The following SOX6 variants were observed in gnomAD, a reference collection of about 807,000 sequenced individuals.
SOX6 encodes the protein SRY-box transcription factor 6, also known as transcription factor SOX-6.
SOX6 carries 11 observed loss-of-function variants against 97.8 expected under a neutral mutation model. The ratio of observed to expected loss-of-function variants is 0.11; its 90% CI spans 0.07 to 0.19. The LOEUF is 0.19. Among genes scored for constraint, SOX6 ranks in the 10% least tolerant of loss-of-function variants. The probability of loss-of-function intolerance (pLI) is 1.00; values close to 1 mark genes in which losing one functional copy is unlikely to be tolerated. For missense variants in SOX6, 810 were observed against 1,039.5 expected (o/e 0.78, Z 3.04); for synonymous variants, 360 against 371.4 (o/e 0.97, Z 0.35).
intron 6 of SOX6, among the ~76,000 whole-genome samples, chr11:16,183,078 G>GT (rs1851385257): frequency 6.6e-6 from 1 of 151,890 alleles, no homozygotes; most frequent in South Asian, 2.1e-4. Flanking sequence ...GTGTTTCTAA[G>GT]GATTAGTCAC....
At chr11:16,186,173 G>T (rs576011766) in intron 5 of SOX6, among the ~76,000 whole-genome samples, 3 of 152,064 alleles carry the variant, frequency 2.0e-5, no homozygotes, top group African/African-American at 4.8e-5. Context: ...TTTTAGGAAC[G>T]ATGTACTAAT....
At chr11:16,279,531 A>G (rs1031580991) in intron 3 of SOX6, among the ~76,000 whole-genome samples, 2 of 152,072 alleles carry the variant, frequency 1.3e-5, no homozygotes, top group African/African-American at 4.8e-5. Context: ...TTTGAATTTC[A>G]TCTTCACAAT....
intron 3 of SOX6, among the ~76,000 whole-genome samples, chr11:16,688,571 G>C (rs999394416): frequency 1.3e-5 from 2 of 152,048 alleles, no homozygotes; most frequent in Non-Finnish European, 2.9e-5. Flanking sequence ...CCATCCAGTG[G>C]ACTTTTTGAA....
chr11:16,413,828 C>A (rs1434113210), intron 1 of SOX6, among the ~76,000 whole-genome samples: 3 of 151,966 alleles, frequency 2.0e-5, no homozygotes, highest in Non-Finnish European at 4.4e-5. Flanking sequence ...CCGAGTTCTA[C>A]ACTTTTAAAT....
intron 6 of SOX6, among the ~76,000 whole-genome samples, chr11:16,176,483 G>A (rs1010109471): frequency 6.6e-5 from 10 of 151,788 alleles, no homozygotes; most frequent in African/African-American, 1.7e-4. Context: ...GACACATCAC[G>A]TTAAAGCCCT....
chr11:16,015,490 T>C (rs1321971829), intron 12 of SOX6, among the ~76,000 whole-genome samples: 1 of 152,028 alleles, frequency 6.6e-6, no homozygotes, highest in Non-Finnish European at 1.5e-5. Context: ...CAAATCAGAA[T>C]TTTATGCACG....
chr11:16,156,937 ACAGTC>A (rs1850618628), intron 6 of SOX6, among the ~76,000 whole-genome samples: 1 of 152,096 alleles, frequency 6.6e-6, no homozygotes, highest in East Asian at 1.9e-4. Context: ...CTATTTGTTT[ACAGTC>A]TCTATCTTCC....
intron 1 of SOX6, among the ~76,000 whole-genome samples, chr11:16,353,397 AG>A (rs1445753397): frequency 6.6e-6 from 1 of 152,118 alleles, no homozygotes; most frequent in African/African-American, 2.4e-5. Flanking sequence ...GAAAAGAAAT[AG>A]AAAAGCCTCT....
chr11:16,348,329 A>T (rs1288752788), intron 1 of SOX6, among the ~76,000 whole-genome samples: 1 of 152,168 alleles, frequency 6.6e-6, no homozygotes, highest in Non-Finnish European at 1.5e-5. Flanking sequence ...AATTGAAGAC[A>T]ATCAAATTGT....
chr11:16,563,115 GACAA>G (rs1483008775), intron 4 of SOX6, among the ~76,000 whole-genome samples: 36 of 151,990 alleles, frequency 2.4e-4, no homozygotes, highest in African/African-American at 7.2e-4. Context: ...AGAATAATCT[GACAA>G]ACATTTTAAA....
At chr11:16,583,682 G>A (rs1848062433) in intron 4 of SOX6, among the ~76,000 whole-genome samples, 1 of 137,456 alleles carries the variant, frequency 7.3e-6, no homozygotes, top group Non-Finnish European at 1.6e-5. Flanking sequence ...TAGACACTTA[G>A]GTTGATTCCA....
chr11:16,382,116 TTTTAC>T (rs1436976125), intron 1 of SOX6, among the ~76,000 whole-genome samples: 1 of 151,994 alleles, frequency 6.6e-6, no homozygotes, highest in Non-Finnish European at 1.5e-5. Context: ...AAAATGTTAT[TTTTAC>T]TTTAATTATT....
chr11:16,548,477 TG>T (rs1847645017), intron 4 of SOX6, among the ~76,000 whole-genome samples: 1 of 152,112 alleles, frequency 6.6e-6, no homozygotes, highest in Non-Finnish European at 1.5e-5. Context: ...GAAGCCACAA[TG>T]GGCCATAGAC....
intron 12 of SOX6, among the ~76,000 whole-genome samples, chr11:16,028,716 T>C (rs942763657): frequency 5.3e-5 from 8 of 152,178 alleles, no homozygotes; most frequent in African/African-American, 1.9e-4. Context: ...AAATGAGGTA[T>C]GTGCTCTCCA....
intron 1 of SOX6, among the ~76,000 whole-genome samples, chr11:16,390,955 A>T (rs1377571774): frequency 6.6e-6 from 1 of 152,230 alleles, no homozygotes; most frequent in Non-Finnish European, 1.5e-5. Flanking sequence ...ACGTCCATCA[A>T]TGATACACTG....
chr11:16,136,775 T>C (rs530488476), intron 6 of SOX6, among the ~76,000 whole-genome samples: 1 of 152,282 alleles, frequency 6.6e-6, no homozygotes, highest in African/African-American at 2.4e-5. Context: ...AAAAAATTCA[T>C]GCAACTCATT....
chr11:16,411,243 G>A (rs569751730), intron 1 of SOX6, among the ~76,000 whole-genome samples: 1 of 152,258 alleles, frequency 6.6e-6, no homozygotes, highest in South Asian at 2.1e-4. Context: ...GCTGTTGTCT[G>A]CGAGGACTTT....
At chr11:16,341,386 C>CCGAAAAAGA in intron 1 of SOX6, 134 bp from the exon 2 acceptor site, 1 of 1,287,080 alleles carries the variant, frequency 7.8e-7, no homozygotes, top group East Asian at 2.5e-5. Flanking sequence ...CTCTAAACCC[C>CCGAAAAAGA]TGAAAAAGAA....
In SOX6 at chr11:15,988,988, T is replaced by A; in HGVS notation, c.1966+9A>T. 2 of 1,612,152 alleles carry A rather than the reference T, an allele frequency of 1.2e-6. No individual in the cohort carries two copies. Among genetic ancestry groups the A allele is most frequent in the Non-Finnish European group, 1.7e-6 (2 of 1,178,118 alleles). ...AGAAGATCAGCTTTAGCTGCACTGC[T>A]GCACTCACCTAAGATTTTGCTAATG... is the stretch of plus-strand genomic sequence containing the variant. On this transcript the variant is annotated intron_variant, in intron 14 of 15. Coordinates refer to ENST00000683767, the MANE Select transcript of SOX6 (RefSeq NM_001367873.1).
Sources: gnomAD v4.1 joint callset for allele counts (sites outside exome capture counted in the v4.1 genomes callset) on GRCh38, gnomAD v4.1.1 for gene constraint, MANE v1.5 for transcripts, NCBI Gene and HGNC (gene_info 2026-07-23, HGNC 2026-07-21) for gene names.